The following SMOC2 variants were observed in gnomAD, a reference collection of about 807,000 sequenced individuals.
The protein encoded by SMOC2 is SPARC related modular calcium binding 2, also known as SPARC-related modular calcium-binding protein 2.
SMOC2 carries 39 observed loss-of-function variants against 61.4 expected under a neutral mutation model. That is an observed-to-expected ratio of 0.64 (90% CI 0.49 to 0.83). SMOC2 has a LOEUF of 0.83. Among genes scored for constraint, SMOC2 ranks in the 40% least tolerant of loss-of-function variants. SMOC2 has a pLI of 0.00. For missense variants in SMOC2, 556 were observed against 592.9 expected (o/e 0.94, Z 0.65); for synonymous variants, 247 against 239.9 (o/e 1.03, Z -0.27).
chr6:168,464,262 G>A (rs1346647206), intron 1 of SMOC2, among the ~76,000 whole-genome samples: 2 of 151,242 alleles, frequency 1.3e-5, no homozygotes, highest in African/African-American at 4.9e-5. Context: ...AAGGAAGGAC[G>A]GACGGAAGGA....
intron 9 of SMOC2, among the ~76,000 whole-genome samples, chr6:168,631,990 A>G (rs961102726): frequency 1.4e-4 from 21 of 152,354 alleles, no homozygotes; most frequent in Non-Finnish European, 2.4e-4. Flanking sequence ...TGCATTCCAC[A>G]TGCAATTCCT....
chr6:168,615,060 C>T (rs72503840), intron 9 of SMOC2, among the ~76,000 whole-genome samples: 27 of 52,226 alleles, frequency 5.2e-4, no homozygotes, highest in South Asian at 1.0e-3. Flanking sequence ...CAGCACAGGG[C>T]CTCTTCATAC....
chr6:168,549,010 A>C, intron 6 of SMOC2, 119 bp from the exon 7 acceptor site: 4 of 738,318 alleles, frequency 5.4e-6, no homozygotes, highest in Non-Finnish European at 7.4e-6. Context: ...TTACAAATGT[A>C]CAATGTGTGT....
chr6:168,518,624 A>AGT (rs1783216132), intron 2 of SMOC2, among the ~76,000 whole-genome samples: 1 of 19,438 alleles, frequency 5.1e-5, no homozygotes, highest in South Asian at 2.5e-3. Context: ...TGTATGACTG[A>AGT]GTGCATGTGT....
At chr6:168,662,253 G>C (rs895259134) in intron 11 of SMOC2, among the ~76,000 whole-genome samples, 1 of 152,188 alleles carries the variant, frequency 6.6e-6, no homozygotes, top group Admixed American at 6.5e-5. Context: ...GTGTGGAAGC[G>C]AGTCATCAGA....
intron 7 of SMOC2, among the ~76,000 whole-genome samples, chr6:168,568,294 T>C (rs946801539): frequency 6.6e-6 from 1 of 152,214 alleles, no homozygotes; most frequent in African/African-American, 2.4e-5. Context: ...TATTTTCTTT[T>C]TCACAGACTT....
rs1445775425 is a variant in SMOC2, at chr6:168,441,460, C to G, written c.84+6C>G. 6.7e-7 allele frequency: 1 copy of G among 1,494,274 alleles called. No homozygotes were observed. Among genetic ancestry groups the G allele is most frequent in the Admixed American group, 2.2e-5 (1 of 44,612 alleles). 92.6% of individuals were successfully genotyped at this position (1,494,274 alleles called of 1,614,324 possible). Reference sequence around the variant, plus strand: ...AGAAGTTCTCGGCGCTCACGGTAAGCCCGGGCCCGCGGGACCTGGAGCTCA... The same window carrying G: ...AGAAGTTCTCGGCGCTCACGGTAAGGCCGGGCCCGCGGGACCTGGAGCTCA... On this transcript the variant is annotated splice_donor_region_variant and intron_variant, in intron 1 of 12. Coordinates refer to ENST00000356284, the MANE Select transcript of SMOC2 (RefSeq NM_001166412.2).
chr6:168,521,547 A>G (rs1176116793), intron 2 of SMOC2, among the ~76,000 whole-genome samples: 1 of 152,230 alleles, frequency 6.6e-6, no homozygotes, highest in Non-Finnish European at 1.5e-5. Context: ...ACAGGTAGAA[A>G]TAAATTGCTT....
In SMOC2 at chr6:168,475,544, T is replaced by C. The variant is rs1457995687; in HGVS notation, c.84+34090T>C. On this transcript the variant is annotated intron_variant, in intron 1 of 12. Transcript: ENST00000356284. This position sits in a 1 kb window ranked among gnomAD's most constrained non-coding sequence, Gnocchi z 4.6. ...GTGGCAGGCTGGGGAGAGGAGGCCA[T>C]GGCCAGCGTTGCCTTGGGGGACAGG... Among the ~76,000 whole-genome samples, 1 of 151,964 alleles carries C rather than the reference T, an allele frequency of 6.6e-6. No individual in the cohort carries two copies. Among genetic ancestry groups the C allele is most frequent in the East Asian group, 1.9e-4 (1 of 5,170 alleles).
rs1012414404 is a variant in SMOC2 at position 168,457,021 on chromosome 6, TG to T, written c.84+15568del. Among the ~76,000 whole-genome samples, 51 of 152,300 alleles carry T rather than the reference TG, an allele frequency of 3.3e-4. 1 individual carries two copies. The highest frequency in any genetic ancestry group is 1.2e-3 in the African/African-American group (48 of 41,574). ...GCACACGCTCATGTGAAACGGCAAC[TG>T]CTCCACATCATGCTCCATTTTCTCC... is the stretch of plus-strand genomic sequence containing the variant. On this transcript the variant is annotated intron_variant, in intron 1 of 12. Transcript: ENST00000356284.
At chr6:168,471,176 G>T (rs1470934707) in intron 1 of SMOC2, among the ~76,000 whole-genome samples, 1 of 152,158 alleles carries the variant, frequency 6.6e-6, no homozygotes, top group Non-Finnish European at 1.5e-5. Context: ...CCGATATCCA[G>T]AACTTTTTCA....
At chr6:168,655,474 A>C (rs1787297716) in intron 11 of SMOC2, 2 of 454,674 alleles carry the variant, frequency 4.4e-6, no homozygotes, top group East Asian at 1.4e-4. Context: ...CTGACTTTTC[A>C]GCTCAGAGAC....
intron 1 of SMOC2, among the ~76,000 whole-genome samples, chr6:168,478,511 A>G (rs1782138864): frequency 6.6e-6 from 1 of 152,208 alleles, no homozygotes; most frequent in Non-Finnish European, 1.5e-5. Context: ...ACAAAATAAG[A>G]TGAACTGCCT....
At chr6:168,531,642 C>T (rs1361972274) in intron 4 of SMOC2, among the ~76,000 whole-genome samples, 2 of 152,138 alleles carry the variant, frequency 1.3e-5, no homozygotes, top group Non-Finnish European at 2.9e-5. Flanking sequence ...GCATTGCGGC[C>T]CCCCACTTGG....
At chr6:168,509,554 GATGAATGTGGAGGCAAATTAGTCA>G (rs1409117820) in intron 1 of SMOC2, among the ~76,000 whole-genome samples, 18 of 62,796 alleles carry the variant, frequency 2.9e-4, no homozygotes, top group East Asian at 5.9e-4. Context: ...CAAATTAGTC[GATGAATGTGGAGGCAAATTAGTCA>G]ATGAATTCAC....
At chr6:168,464,499 A>C (rs1431946096) in intron 1 of SMOC2, among the ~76,000 whole-genome samples, 1 of 152,166 alleles carries the variant, frequency 6.6e-6, no homozygotes, top group African/African-American at 2.4e-5. Flanking sequence ...ATAAGAAAAA[A>C]ACATTTTGGG....
chr6:168,511,819 T>G (rs1783016808), intron 2 of SMOC2, among the ~76,000 whole-genome samples: 1 of 151,048 alleles, frequency 6.6e-6, no homozygotes, highest in South Asian at 2.1e-4. Flanking sequence ...GGGTTGTTTT[T>G]TTTTTTTTTT....
intron 11 of SMOC2, among the ~76,000 whole-genome samples, chr6:168,656,517 AAAAAAAAAAAAAAG>A (rs1194482155): frequency 6.9e-6 from 1 of 145,076 alleles, no homozygotes; most frequent in Non-Finnish European, 1.5e-5. Context: ...TAAAAAAAAA[AAAAAAAAAAAAAAG>A]AAAAGAAAAG....
In SMOC2 at chr6:168,512,825, TG is replaced by T. The variant is rs550323496; in HGVS notation, c.256+2741del. Among the ~76,000 whole-genome samples, 817 of 152,238 alleles carry T rather than the reference TG, an allele frequency of 5.4e-3. 3 individuals are homozygous for T. The highest frequency in any genetic ancestry group is 7.2e-3 in the Non-Finnish European group (490 of 68,008). On this transcript the variant is annotated intron_variant, in intron 2 of 12. Transcript: ENST00000356284. Reference sequence around the variant, plus strand: ...GCCCCTTCTAGAAACAGCTAACATCTGGTGATGATGCCACACATTGACCCTC... The same window carrying T: ...GCCCCTTCTAGAAACAGCTAACATCTGTGATGATGCCACACATTGACCCTC...
Sources: allele counts gnomAD v4.1 joint callset (sites outside exome capture counted in the v4.1 genomes callset), GRCh38; gene constraint gnomAD v4.1.1; non-coding constraint Gnocchi (gnomAD v3.1); transcripts MANE v1.5; gene names NCBI Gene and HGNC (gene_info 2026-07-23, HGNC 2026-07-21).